The following PATJ variants were observed in gnomAD, a reference collection of about 807,000 sequenced individuals.
PATJ encodes the protein PATJ crumbs cell polarity complex component.
Under a neutral mutation model 224.9 loss-of-function variants are expected in PATJ, and 190 were observed. The observed-to-expected ratio is 0.84, with a 90% CI of 0.75 to 0.95. The LOEUF (loss-of-function observed/expected upper bound fraction) is 0.95. PATJ is among the 40% of genes least tolerant of loss of function. PATJ has a pLI of 0.00. For synonymous variants in PATJ, 769 were observed against 820.3 expected (o/e 0.94, Z 1.07); for missense variants, 2,121 against 2,270.3 (o/e 0.93, Z 1.34).
chr1:62,062,662 A>G (rs1464140297), intron 31 of PATJ, among the ~76,000 whole-genome samples: 1 of 151,112 alleles, frequency 6.6e-6, no homozygotes, highest in Admixed American at 6.6e-5. Flanking sequence ...CACTTGGCTA[A>G]TTTTTAAATT....
At chr1:61,783,614 T>A in intron 7 of PATJ, among the ~76,000 whole-genome samples, 1 of 151,774 alleles carries the variant, frequency 6.6e-6, no homozygotes, top group East Asian at 1.9e-4. Flanking sequence ...CAAATTTGAT[T>A]TCTTCTTTTG....
At chr1:61,869,169 C>G (rs28616755) in intron 20 of PATJ, among the ~76,000 whole-genome samples, 42,191 of 130,444 alleles carry the variant, frequency 0.32, 7,065 homozygotes, top group African/African-American at 0.49. Context: ...TGCAGTGGCG[C>G]CATCTCGGCT....
At chr1:61,882,687 G>C (rs955442385) in intron 21 of PATJ, among the ~76,000 whole-genome samples, 6 of 152,132 alleles carry the variant, frequency 3.9e-5, no homozygotes, top group Non-Finnish European at 7.3e-5. Flanking sequence ...ACCGACTCTA[G>C]TGATCCTCCT....
intron 31 of PATJ, among the ~76,000 whole-genome samples, chr1:62,066,608 G>A (rs1394834888): frequency 6.6e-6 from 1 of 152,154 alleles, no homozygotes; most frequent in Admixed American, 6.5e-5. Flanking sequence ...GTAGGAATTA[G>A]GCTGGAACTG....
intron 29 of PATJ, among the ~76,000 whole-genome samples, chr1:62,036,477 A>G (rs1005127812): frequency 2.9e-4 from 44 of 152,136 alleles, no homozygotes; most frequent in Non-Finnish European, 5.9e-4. Flanking sequence ...GAGCGGGATA[A>G]AAAAGGTCTA....
intron 16 of PATJ, among the ~76,000 whole-genome samples, chr1:61,828,641 C>T (rs1658758126): frequency 6.6e-6 from 1 of 152,156 alleles, no homozygotes; most frequent in South Asian, 2.1e-4. Flanking sequence ...ATCCTCCCAC[C>T]TCAACCCCCC....
chr1:62,024,510 C>T (rs1361596044), intron 29 of PATJ, among the ~76,000 whole-genome samples: 1 of 152,078 alleles, frequency 6.6e-6, no homozygotes, highest in African/African-American at 2.4e-5. Flanking sequence ...ATTTGTTTCA[C>T]CTCTTTTGGC....
At position 61,820,128 on chromosome 1, in the gene PATJ, G is replaced by A. The variant is rs528457149; in HGVS notation, c.1684-2817G>A. On this transcript the variant is annotated intron_variant, in intron 14 of 43. Coordinates refer to ENST00000642238, the MANE Select transcript of PATJ (RefSeq NM_001350145.3). ...ACAATCTCGGCTCACTGCAACCTCT[G>A]CCTCCTGGATTCGAGGAATTATCCT... Among the ~76,000 whole-genome samples the A allele has an allele frequency of 3.2e-3, 488 of 151,980 alleles. 2 individuals carry two copies. Among genetic ancestry groups the A allele is most frequent in the Non-Finnish European group, 3.2e-3 (219 of 67,844 alleles).
In PATJ at chr1:62,086,472, G is replaced by A. The variant is rs1660000424; in HGVS notation, c.4377+1824G>A. Among the ~76,000 whole-genome samples, 1 of 152,080 alleles carries A rather than the reference G, an allele frequency of 6.6e-6. No homozygotes were observed. The highest frequency in any genetic ancestry group is 1.5e-5 in the Non-Finnish European group (1 of 68,010). ...GACAATCACTCTTGTTAATGAATATGTTTTAAATGAATATTTTGGTATTTC... is the reference window on the plus strand; with the variant it reads ...GACAATCACTCTTGTTAATGAATATATTTTAAATGAATATTTTGGTATTTC... On this transcript the variant is annotated intron_variant, in intron 33 of 43. Coordinates refer to ENST00000642238, the MANE Select transcript of PATJ (RefSeq NM_001350145.3). The surrounding 1 kb of genome is among the most constrained non-coding windows in gnomAD (Gnocchi z 4.0).
intron 20 of PATJ, among the ~76,000 whole-genome samples, chr1:61,874,450 G>A (rs779438254): frequency 2.6e-5 from 4 of 151,920 alleles, no homozygotes; most frequent in Non-Finnish European, 4.4e-5. Flanking sequence ...ACCTGCCTTG[G>A]CCTCCCAAAG....
intron 16 of PATJ, among the ~76,000 whole-genome samples, chr1:61,831,713 C>A (rs1282581126): frequency 6.6e-6 from 1 of 152,116 alleles, no homozygotes; most frequent in Non-Finnish European, 1.5e-5. Flanking sequence ...GAAAAGGAAA[C>A]AATTAGCACT....
At chr1:62,132,549 T>A (rs763827121) in intron 41 of PATJ, among the ~76,000 whole-genome samples, 2 of 151,952 alleles carry the variant, frequency 1.3e-5, no homozygotes, top group Non-Finnish European at 2.9e-5. Flanking sequence ...GAATCTGTAA[T>A]GGGGGTAAAG....
At chr1:62,048,777 G>T (rs1653043756) in intron 30 of PATJ, among the ~76,000 whole-genome samples, 1 of 152,100 alleles carries the variant, frequency 6.6e-6, no homozygotes, top group Non-Finnish European at 1.5e-5. Flanking sequence ...TTTGAAGTTA[G>T]AAATGCTCCA....
At chr1:62,021,650 C>T (rs1436242289) in intron 29 of PATJ, among the ~76,000 whole-genome samples, 1 of 152,122 alleles carries the variant, frequency 6.6e-6, no homozygotes, top group Non-Finnish European at 1.5e-5. Context: ...GTCCCTCTTC[C>T]CAGTACTTTC....
intron 5 of PATJ, 65 bp from the exon 6 acceptor site, chr1:61,771,366 T>G (rs1042448133): frequency 9.7e-7 from 1 of 1,031,002 alleles, no homozygotes; most frequent in African/African-American, 1.7e-5. Context: ...CTGCTTAACT[T>G]TAATAGATTT....
intron 1 of PATJ, among the ~76,000 whole-genome samples, chr1:61,747,541 T>C (rs1373038252): frequency 6.6e-6 from 1 of 152,228 alleles, no homozygotes; most frequent in African/African-American, 2.4e-5. Context: ...ATCTGTAAGC[T>C]GTTATTCTCC....
intron 31 of PATJ, among the ~76,000 whole-genome samples, chr1:62,065,845 A>G (rs558278538): frequency 3.9e-5 from 6 of 152,308 alleles, no homozygotes; most frequent in African/African-American, 9.6e-5. Context: ...ACTTTCTCAC[A>G]CCGGTCACAT....
intron 29 of PATJ, among the ~76,000 whole-genome samples, chr1:62,032,729 T>G (rs995844879): frequency 1.3e-5 from 2 of 152,142 alleles, no homozygotes; most frequent in African/African-American, 4.8e-5. Flanking sequence ...AAAACTAAAT[T>G]GAGATCCCTT....
intron 9 of PATJ, among the ~76,000 whole-genome samples, chr1:61,794,182 G>A (rs561474119): frequency 4.6e-5 from 7 of 152,016 alleles, no homozygotes; most frequent in South Asian, 2.1e-4. Context: ...GATTACAGGC[G>A]TGAGCCACTG....
Sources: allele counts gnomAD v4.1 joint callset (sites outside exome capture counted in the v4.1 genomes callset), GRCh38; gene constraint gnomAD v4.1.1; non-coding constraint Gnocchi (gnomAD v3.1); transcripts MANE v1.5; gene names NCBI Gene and HGNC (gene_info 2026-07-23, HGNC 2026-07-21).